Variants in ARSB observed in about 807,000 individuals in gnomAD.
ARSB encodes the protein arylsulfatase B, also known as N-acetylgalactosamine-4-sulfatase.
A neutral mutation model predicts 50.9 loss-of-function variants in ARSB; 41 were observed. That is an observed-to-expected ratio of 0.81 (90% CI 0.63 to 1.04). The LOEUF (loss-of-function observed/expected upper bound fraction) is 1.04, where lower values mean the gene tolerates loss of function less well. Ranked by LOEUF, ARSB falls within the 50% of genes least tolerant of loss-of-function variation. The pLI is 0.00. For synonymous variants in ARSB, 269 were observed against 284.8 expected (o/e 0.94, Z 0.56); for missense variants, 672 against 693.3 (o/e 0.97, Z 0.35).
rs575946885 is a variant in ARSB, at chr5:78,850,871, T to C, written c.1143-11445A>G. Among the ~76,000 whole-genome samples, 14 of 152,338 alleles carry C rather than the reference T, an allele frequency of 9.2e-5. No individual in the cohort carries two copies. The South Asian group carries it at 2.7e-3, about 29-fold the overall frequency. On this transcript the variant is annotated intron_variant, in intron 5 of 7. Coordinates refer to ENST00000264914, the MANE Select transcript of ARSB (RefSeq NM_000046.5). Reference sequence around the variant, plus strand: ...TAGAGGTGTTTGTAGTATTCTCTGATGGTAGTTTGTATTTCTGTGGTATCA... The same window carrying C: ...TAGAGGTGTTTGTAGTATTCTCTGACGGTAGTTTGTATTTCTGTGGTATCA...
intron 6 of ARSB, among the ~76,000 whole-genome samples, chr5:78,799,924 T>C (rs1365028728): frequency 6.6e-6 from 1 of 152,190 alleles, no homozygotes; most frequent in Non-Finnish European, 1.5e-5. Context: ...GCGACCAACC[T>C]CTTTCTTGGG....
At chr5:78,884,525 G>A (rs1315216549) in intron 5 of ARSB, 1 of 150,632 alleles carries the variant, frequency 6.6e-6, no homozygotes, top group African/African-American at 2.4e-5. Flanking sequence ...GTGGGATGAA[G>A]AGATGGCCTG....
At chr5:78,923,697 T>C (rs1448998166) in intron 4 of ARSB, among the ~76,000 whole-genome samples, 1 of 152,204 alleles carries the variant, frequency 6.6e-6, no homozygotes, top group Non-Finnish European at 1.5e-5. Flanking sequence ...TTTAAGAATT[T>C]CAGTAAGATT....
intron 4 of ARSB, among the ~76,000 whole-genome samples, chr5:78,897,253 G>C (rs1241550154): frequency 6.6e-6 from 1 of 152,134 alleles, no homozygotes; most frequent in Non-Finnish European, 1.5e-5. Context: ...TACAGGACTT[G>C]GGACAATTCC....
intron 4 of ARSB, among the ~76,000 whole-genome samples, chr5:78,894,960 G>A (rs555010995): frequency 1.3e-5 from 2 of 152,240 alleles, no homozygotes; most frequent in Non-Finnish European, 2.9e-5. Context: ...CCTAATGAGA[G>A]GCAAATGGCT....
intron 4 of ARSB, among the ~76,000 whole-genome samples, chr5:78,904,776 C>T (rs1352887757): frequency 2.0e-5 from 3 of 149,932 alleles, no homozygotes; most frequent in East Asian, 2.0e-4. Flanking sequence ...CAACCTCTGC[C>T]CTCCTGGGTT....
At chr5:78,831,091 C>A (rs1266521514) in intron 6 of ARSB, among the ~76,000 whole-genome samples, 1 of 152,156 alleles carries the variant, frequency 6.6e-6, no homozygotes, top group Admixed American at 6.5e-5. Flanking sequence ...AACTTTCCCA[C>A]CCTGCCCCAA....
chr5:78,833,172 T>C (rs1744771633), intron 6 of ARSB, among the ~76,000 whole-genome samples: 1 of 152,182 alleles, frequency 6.6e-6, no homozygotes, highest in African/African-American at 2.4e-5. Context: ...TGGAACCATG[T>C]AGAGCTGAAT....
chr5:78,939,236 A>C (rs2058079809), intron 4 of ARSB, among the ~76,000 whole-genome samples: 1 of 152,092 alleles, frequency 6.6e-6, no homozygotes, highest in Non-Finnish European at 1.5e-5. Context: ...CTTTCCTAGT[A>C]AAAAGAGCTC....
intron 6 of ARSB, among the ~76,000 whole-genome samples, chr5:78,837,045 C>T (rs1053046822): frequency 6.6e-6 from 1 of 152,170 alleles, no homozygotes; most frequent in Non-Finnish European, 1.5e-5. Context: ...CACCTCCCGC[C>T]GGGCCCCTCC....
intron 5 of ARSB, among the ~76,000 whole-genome samples, chr5:78,852,637 T>C (rs1745878722): frequency 6.6e-6 from 1 of 152,200 alleles, no homozygotes; most frequent in South Asian, 2.1e-4. Context: ...TCCTGGATAA[T>C]ATCCTGCAGA....
At chr5:78,936,086 C>T (rs1393785584) in intron 4 of ARSB, among the ~76,000 whole-genome samples, 9 of 122,630 alleles carry the variant, frequency 7.3e-5, no homozygotes, top group Non-Finnish European at 1.0e-4. Flanking sequence ...TCCCTTCCTC[C>T]CCGCCTCTCT....
chr5:78,893,190 T>C (rs1404181736), intron 4 of ARSB, among the ~76,000 whole-genome samples: 3 of 152,194 alleles, frequency 2.0e-5, no homozygotes, highest in African/African-American at 7.2e-5. Flanking sequence ...AGATGTGCCT[T>C]TGTTCTTCCC....
At chr5:78,926,444 C>CT (rs895630967) in intron 4 of ARSB, among the ~76,000 whole-genome samples, 76 of 147,884 alleles carry the variant, frequency 5.1e-4, no homozygotes, top group Middle Eastern at 3.5e-3. Context: ...GCTTCCCCCA[C>CT]TTTTTTTTTT....
chr5:78,834,002 G>A (rs190806644), intron 6 of ARSB, among the ~76,000 whole-genome samples: 5 of 152,258 alleles, frequency 3.3e-5, no homozygotes, highest in Non-Finnish European at 5.9e-5. Flanking sequence ...GCCATCTGGA[G>A]GTACTTTTAG....
rs1251438062 is a variant in ARSB, at chr5:78,780,460, G to T, written c.1539C>A (p.Tyr513Ter). The T allele has an allele frequency of 1.9e-6, 3 of 1,614,154 alleles. No individual in the cohort carries two copies. Among genetic ancestry groups the T allele is most frequent in the Non-Finnish European group, 2.5e-6 (3 of 1,180,022 alleles). ...CACAGCGGGGGTCCTGTGCAGGGAAGTACACGGGGACTGAGTGTTTATGGT... is the reference window on the plus strand; with the variant it reads ...CACAGCGGGGGTCCTGTGCAGGGAATTACACGGGGACTGAGTGTTTATGGT... ...QFYHKHSVPVYFPAQDPRCDP... is the reference protein window; with the variant it reads ...QFYHKHSVPV The change falls in exon 8 of 8, where the codon TAC becomes TAA. Residue 513 changes from tyrosine to a stop codon, truncating the protein, a stop_gained. Coordinates refer to ENST00000264914, the MANE Select transcript of ARSB (RefSeq NM_000046.5). LOFTEE classifies it high-confidence loss of function.
intron 5 of ARSB, chr5:78,882,950 GT>G (rs1561480728): frequency 6.6e-6 from 1 of 151,774 alleles, no homozygotes; most frequent in African/African-American, 2.4e-5. Flanking sequence ...CACCCGGCTA[GT>G]TTTTATATTT....
chr5:78,888,927 G>A (rs1748158450), intron 4 of ARSB, among the ~76,000 whole-genome samples: 1 of 152,238 alleles, frequency 6.6e-6, no homozygotes, highest in Admixed American at 6.5e-5. Context: ...CAAAGAGAAA[G>A]CACTGTCAAT....
In ARSB at chr5:78,867,573, G is replaced by A. The variant is rs1022234834; in HGVS notation, c.1142+18011C>T. Among the ~76,000 whole-genome samples the A allele has an allele frequency of 6.3e-4, 95 of 151,838 alleles. 1 individual carries two copies. Among genetic ancestry groups the A allele is most frequent in the African/African-American group, 2.0e-3 (82 of 41,486 alleles). On this transcript the variant is annotated intron_variant, in intron 5 of 7. Transcript: ENST00000264914. ...GCAGGGGCACACTGACACCTCACAC[G>A]GCAGGGTATTCCAACAGACCTGCAG...
Sources: allele counts gnomAD v4.1 joint callset (sites outside exome capture counted in the v4.1 genomes callset), GRCh38; gene constraint gnomAD v4.1.1; transcripts MANE v1.5; gene names NCBI Gene and HGNC (gene_info 2026-07-23, HGNC 2026-07-21).